PCDHGB1: variants seen among roughly 807,000 people sequenced by gnomAD.
PCDHGB1 encodes protocadherin gamma-B1.
PCDHGB1 carries 34 observed loss-of-function variants against 56.6 expected under a neutral mutation model. The ratio of observed to expected loss-of-function variants is 0.60; its 90% confidence interval spans 0.46 to 0.80. PCDHGB1 has a LOEUF of 0.80. PCDHGB1 is among the 30% of genes least tolerant of loss of function. The pLI is 0.00. For missense variants in PCDHGB1, 1,278 were observed against 1,204.6 expected, an observed-to-expected ratio of 1.06 and a Z score of -0.90; for synonymous variants, 561 against 505.9, an observed-to-expected ratio of 1.11 and a Z score of -1.46.
Position 141,477,383 on chromosome 5 carries a change from T to A in PCDHGB1, c.2410-17424T>A. 6.2e-7 allele frequency: 1 copy of A among 1,614,102 alleles called. No homozygotes were observed. Among genetic ancestry groups the A allele is most frequent in the Non-Finnish European group, 8.5e-7 (1 of 1,180,006 alleles). On this transcript the variant is annotated intron_variant, in intron 1 of 3. Transcript: ENST00000523390. This position sits in a 1 kb window ranked among gnomAD's most constrained non-coding sequence, Gnocchi z 4.9. Reference sequence around the variant, plus strand: ...CCTGGATCGGGAGACTGTGCCAGAATACAACCTCAGCATCACCGCCCGAGA... The same window carrying A: ...CCTGGATCGGGAGACTGTGCCAGAAAACAACCTCAGCATCACCGCCCGAGA...
chr5:141,482,753 G>A (rs2154579665), intron 1 of PCDHGB1, among the ~76,000 whole-genome samples: 1 of 127,136 alleles, frequency 7.9e-6, no homozygotes. Context: ...GAGGGATTAT[G>A]GTATTTCATT....
In PCDHGB1 at chr5:141,512,926, T is replaced by C. The variant is rs1438111849; in HGVS notation, c.*1753T>C. The C allele has an allele frequency of 6.6e-6, 1 of 152,216 alleles. No homozygotes were observed. The highest frequency in any genetic ancestry group is 1.5e-5 in the Non-Finnish European group (1 of 68,048). 9.4% of individuals were successfully genotyped at this position (152,216 alleles called of 1,614,324 possible). A position where few individuals can be genotyped will look rare whatever the true frequency, so the allele number is the denominator to read the frequency against. On this transcript the variant is annotated 3_prime_UTR_variant, in exon 4 of 4. Coordinates refer to ENST00000523390, the MANE Select transcript of PCDHGB1 (RefSeq NM_018922.3). ...CGCAAGTTTTATACTCTAATATTTA[T>C]ATGGCTTTTTTTCTTCGACAAAAAA...
chr5:141,419,108 G>C (rs1449189374), intron 1 of PCDHGB1: 2 of 1,613,792 alleles, frequency 1.2e-6, no homozygotes, highest in African/African-American at 1.3e-5. Flanking sequence ...GCAGACCCCA[G>C]AGTACAACGT....
At chr5:141,474,361 T>C (rs2099347915) in intron 1 of PCDHGB1, among the ~76,000 whole-genome samples, 2 of 152,210 alleles carry the variant, frequency 1.3e-5, no homozygotes, top group South Asian at 2.1e-4. Context: ...CATGTCTCAG[T>C]AGGTCTAGAG....
intron 1 of PCDHGB1, chr5:141,361,146 T>C (rs1761903923): frequency 1.2e-6 from 2 of 1,613,968 alleles, no homozygotes; most frequent in East Asian, 4.5e-5. Context: ...AAGTTGAAAT[T>C]CTTGATGACA....
intron 1 of PCDHGB1, chr5:141,423,758 G>GA: frequency 1.1e-5 from 4 of 366,840 alleles, no homozygotes; most frequent in South Asian, 8.5e-5. Flanking sequence ...TTTGGGGGGG[G>GA]GGTGGGGCGG....
intron 2 of PCDHGB1, among the ~76,000 whole-genome samples, chr5:141,503,568 C>T (rs1357099545): frequency 6.9e-6 from 1 of 144,390 alleles, no homozygotes; most frequent in Non-Finnish European, 1.5e-5. Context: ...CACTGTACTC[C>T]AGCCTGGGTG....
rs759756007 is a variant in PCDHGB1 at position 141,476,248 on chromosome 5, T to C, written c.2410-18559T>C. 2 of 1,613,856 alleles carry C rather than the reference T, an allele frequency of 1.2e-6. No individual in the cohort carries two copies. Among genetic ancestry groups the C allele is most frequent in the South Asian group, 2.2e-5 (2 of 91,050 alleles). On this transcript the variant is annotated intron_variant, in intron 1 of 3. Transcript: ENST00000523390. The surrounding 1 kb of genome is among the most constrained non-coding windows in gnomAD (Gnocchi z 7.6). The stretch of plus-strand genomic sequence containing the variant: ...AGATCCCGGAGGAAAGAGAGAAGGG[T>C]TTCGCTGTGGGCAACGTGGTCGCGA...
rs754148272 is a variant in PCDHGB1, at chr5:141,352,107, G to T, written c.1847G>T (p.Gly616Val). The change falls in exon 1 of 4, where the codon GGG becomes GTG. Residue 616 changes from glycine (G) to valine (V), a missense_variant. By Grantham distance (109) the Gly-to-Val change is moderately radical (BLOSUM62 -3). Transcript: ENST00000523390. ...QASEPGLFSL[G>V]LRTGEVRTAR... ...AGCGAGCCCGGGCTCTTCAGCCTGG[G>T]GTTGCGCACGGGTGAGGTGCGCACA... 6.2e-7 allele frequency: 1 copy of T among 1,607,214 alleles called. No individual in the cohort carries two copies. Among genetic ancestry groups the T allele is most frequent in the Non-Finnish European group, 8.5e-7 (1 of 1,177,628 alleles).
At chr5:141,419,741 A>G (rs769795920) in intron 1 of PCDHGB1, 1 of 1,613,856 alleles carries the variant, frequency 6.2e-7, no homozygotes. Context: ...CGAGGTGCGC[A>G]TGGTGCGTGC....
chr5:141,390,591 T>G, intron 1 of PCDHGB1: 1 of 333,500 alleles, frequency 3.0e-6, no homozygotes, highest in Non-Finnish European at 5.4e-6. Flanking sequence ...TGAATGAGAT[T>G]TTTCCTATAC....
intron 1 of PCDHGB1, chr5:141,359,958 AG>A (rs1446776013): frequency 1.7e-6 from 1 of 585,260 alleles, no homozygotes; most frequent in African/African-American, 1.9e-5. Flanking sequence ...AAAAGAACGA[AG>A]AGAAGCGTTT....
At chr5:141,375,066 G>A (rs1463444937) in intron 1 of PCDHGB1, 7 of 1,613,872 alleles carry the variant, frequency 4.3e-6, no homozygotes, top group Admixed American at 1.7e-5. Flanking sequence ...CCAGGTCTTC[G>A]AGACAGAGCG....
chr5:141,375,377 C>G, intron 1 of PCDHGB1: 1 of 1,613,940 alleles, frequency 6.2e-7, no homozygotes, highest in South Asian at 1.1e-5. Context: ...AACACCACCT[C>G]TGTCTACAGA....
chr5:141,413,390 C>G, intron 1 of PCDHGB1: 1 of 1,614,010 alleles, frequency 6.2e-7, no homozygotes, highest in Non-Finnish European at 8.5e-7. Context: ...CGCATAGTCT[C>G]CAGAGGTAGG....
chr5:141,421,831 G>C lies in PCDHGB1; in HGVS notation c.2409+69162G>C, dbSNP rs201283981. ...AGAGCTAGTACTGGAGGGAAGCCTG[G>C]ACCGAGAGAAAGAGGCTGCTCACCT... On this transcript the variant is annotated intron_variant, in intron 1 of 3. Transcript: ENST00000523390. 68 of 1,613,784 alleles carry C rather than the reference G, an allele frequency of 4.2e-5. 1 individual carries two copies. The East Asian group carries it at 1.4e-3, about 33-fold the overall frequency.
rs1171513351 is a variant in PCDHGB1 at position 141,350,736 on chromosome 5, T to C, written c.476T>C (p.Val159Ala). The change falls in exon 1 of 4, where the codon GTG becomes GCG. Residue 159 changes from valine (V) to alanine (A), a missense_variant. Physicochemically the swap from Val to Ala is moderately conservative, Grantham distance 64. Transcript: ENST00000523390. The part of the protein sequence containing the change: ...FSLDSAQDAD[V>A]EGNSLKLYTI... ...CTGGATTCTGCTCAAGATGCAGATG[T>C]GGAAGGCAATTCACTGAAGTTATAC... 1 of 1,613,848 alleles carries C rather than the reference T, an allele frequency of 6.2e-7. No homozygotes were observed. The highest frequency in any genetic ancestry group is 8.5e-7 in the Non-Finnish European group (1 of 1,179,910).
chr5:141,410,780 A>T, intron 1 of PCDHGB1: 1 of 803,810 alleles, frequency 1.2e-6, no homozygotes. Context: ...TTCACTATGT[A>T]TTTGGTTCAT....
intron 1 of PCDHGB1, among the ~76,000 whole-genome samples, chr5:141,455,410 G>A (rs1332059386): frequency 6.6e-6 from 1 of 152,130 alleles, no homozygotes; most frequent in Non-Finnish European, 1.5e-5. Context: ...CAGAGACAGA[G>A]GGAGCGGGGC....
Sources: allele counts gnomAD v4.1 joint callset (sites outside exome capture counted in the v4.1 genomes callset), GRCh38; gene constraint gnomAD v4.1.1; non-coding constraint Gnocchi (gnomAD v3.1); transcripts MANE v1.5; gene names NCBI Gene and HGNC (gene_info 2026-07-23, HGNC 2026-07-21).